Variants in RHOJ observed in about 807,000 individuals in gnomAD.
The protein encoded by RHOJ is rho-related GTP-binding protein RhoJ.
In RHOJ, 11 loss-of-function variants were observed where a neutral mutation model predicts 23.4. The ratio of observed to expected loss-of-function variants is 0.47; its 90% confidence interval spans 0.30 to 0.78. The LOEUF is 0.78. Among genes scored for constraint, RHOJ ranks in the 30% least tolerant of loss-of-function variants. The pLI is 0.08. For missense variants in RHOJ, 254 were observed against 273.4 expected (o/e 0.93, Z 0.50); for synonymous variants, 102 against 102.7 (o/e 0.99, Z 0.04).
Position 63,275,374 on chromosome 14 carries a change from A to T in RHOJ, c.238-5597A>T, listed in dbSNP as rs144580643. Among the ~76,000 whole-genome samples the T allele has an allele frequency of 5.0e-3, 768 of 152,324 alleles. 3 individuals are homozygous for T. The highest frequency in any genetic ancestry group is 0.048 in the Middle Eastern group (14 of 294). ...CAAGGTCCACAGGTGATGCAAATAT[A>T]TGTAGTGTCTAAGAAGTGCTATCTA... On this transcript the variant is annotated intron_variant, in intron 2 of 4. Transcript: ENST00000316754.
At chr14:63,234,787 T>C (rs1253866712) in intron 1 of RHOJ, among the ~76,000 whole-genome samples, 3 of 152,248 alleles carry the variant, frequency 2.0e-5, no homozygotes, top group Admixed American at 1.3e-4. Context: ...TGAAATTCTC[T>C]GTCCCCACAG....
intron 1 of RHOJ, among the ~76,000 whole-genome samples, chr14:63,266,314 G>C (rs1895365746): frequency 6.6e-6 from 1 of 152,140 alleles, no homozygotes; most frequent in Admixed American, 6.5e-5. Context: ...GGTCAGCTGT[G>C]CCTAAATTCC....
At chr14:63,237,048 T>C (rs892613019) in intron 1 of RHOJ, among the ~76,000 whole-genome samples, 1 of 152,150 alleles carries the variant, frequency 6.6e-6, no homozygotes, top group Non-Finnish European at 1.5e-5. Flanking sequence ...CAATTGTCCC[T>C]TTTTTTCCTG....
chr14:63,277,433 GC>G (rs1881754380), intron 2 of RHOJ, among the ~76,000 whole-genome samples: 1 of 152,184 alleles, frequency 6.6e-6, no homozygotes, highest in South Asian at 2.1e-4. Flanking sequence ...AGATACGCAG[GC>G]CCACTCTCCA....
Position 63,204,976 on chromosome 14 carries a change from G to A in RHOJ, c.107G>A (p.Cys36Tyr). The A allele has an allele frequency of 6.2e-7, 1 of 1,614,214 alleles. No homozygotes were observed. The highest frequency in any genetic ancestry group is 8.5e-7 in the Non-Finnish European group (1 of 1,180,042). Residue 36 changes from cysteine to tyrosine, a missense_variant, in exon 1 of 5, where the codon TGC (cysteine) becomes TAC (tyrosine). Physicochemically the swap from Cys to Tyr is radical, Grantham distance 194. Coordinates refer to ENST00000316754, the MANE Select transcript of RHOJ (RefSeq NM_020663.5). ...VVGDGAVGKT[C>Y]LLMSYANDAF... is the part of the protein sequence containing the mutation. ...GGGGACGGTGCCGTGGGGAAAACCTGCCTGCTGATGAGCTACGCCAACGAC... is the reference window on the plus strand; with the variant it reads ...GGGGACGGTGCCGTGGGGAAAACCTACCTGCTGATGAGCTACGCCAACGAC...
rs572273774 is a variant in RHOJ at position 63,287,312 on chromosome 14, G to T, written c.499-3566G>T. Among the ~76,000 whole-genome samples, 3 of 152,308 alleles carry T rather than the reference G, an allele frequency of 2.0e-5. No individual in the cohort carries two copies. In the East Asian group the frequency reaches 5.8e-4, roughly 29 times the overall value. On this transcript the variant is annotated intron_variant, in intron 4 of 4. Transcript: ENST00000316754. ...GTGTGGCCATAAGGGAGGTTACTTA[G>T]CCTCTCTGGGTATCAGTTTCCTGAG...
At chr14:63,245,967 T>A (rs1894969358) in intron 1 of RHOJ, among the ~76,000 whole-genome samples, 2 of 152,158 alleles carry the variant, frequency 1.3e-5, no homozygotes, top group African/African-American at 2.4e-5. Flanking sequence ...ATTAGATGAT[T>A]TATGACCTTG....
At chr14:63,222,875 G>C (rs911220569) in intron 1 of RHOJ, among the ~76,000 whole-genome samples, 1 of 152,116 alleles carries the variant, frequency 6.6e-6, no homozygotes, top group East Asian at 1.9e-4. Flanking sequence ...ATTGCTTTTG[G>C]TGTTTTAGAC....
At chr14:63,275,949 C>T (rs552340283) in intron 2 of RHOJ, among the ~76,000 whole-genome samples, 1 of 152,312 alleles carries the variant, frequency 6.6e-6, no homozygotes, top group African/African-American at 2.4e-5. Context: ...ATCCTGACCC[C>T]TTTACCATAT....
At chr14:63,214,275 A>G (rs983757291) in intron 1 of RHOJ, among the ~76,000 whole-genome samples, 4 of 152,214 alleles carry the variant, frequency 2.6e-5, no homozygotes, top group Non-Finnish European at 4.4e-5. Flanking sequence ...AGAAATTTCT[A>G]ATTAGGTAGA....
At position 63,217,219 on chromosome 14, in the gene RHOJ, C is replaced by T. The variant is rs576710088; in HGVS notation, c.178+12172C>T. Among the ~76,000 whole-genome samples the T allele has an allele frequency of 1.1e-3, 170 of 148,410 alleles. 1 individual carries two copies. Among genetic ancestry groups the T allele is most frequent in the Non-Finnish European group, 2.1e-3 (141 of 66,584 alleles). On this transcript the variant is annotated intron_variant, in intron 1 of 4. Transcript: ENST00000316754. ...GTCATCTAGCATTAGGTATATCTCCCAATGCTATCCCTCCCCGCTCCCCCC... is the reference window on the plus strand; with the variant it reads ...GTCATCTAGCATTAGGTATATCTCCTAATGCTATCCCTCCCCGCTCCCCCC...
intron 2 of RHOJ, among the ~76,000 whole-genome samples, chr14:63,280,518 G>C (rs1881864886): frequency 1.3e-5 from 2 of 152,154 alleles, no homozygotes; most frequent in African/African-American, 4.8e-5. Context: ...TATGCTAAGA[G>C]AGTAGGTCTC....
chr14:63,236,222 G>T (rs777362399), intron 1 of RHOJ, among the ~76,000 whole-genome samples: 1 of 152,144 alleles, frequency 6.6e-6, no homozygotes, highest in Non-Finnish European at 1.5e-5. Context: ...TTGGAACAAG[G>T]TCTCTTCAGT....
rs942374714 is a variant in RHOJ, at chr14:63,232,763, C to G, written c.178+27716C>G. Among the ~76,000 whole-genome samples the G allele has an allele frequency of 5.0e-5, 7 of 140,302 alleles. No homozygotes were observed. In the Admixed American group the frequency reaches 5.3e-4, roughly 11 times the overall value. The allele number at this position is 140,302 out of a possible 152,430, so 92.0% of individuals were successfully genotyped here. The stretch of plus-strand genomic sequence containing the variant: ...CCAGGCTGCGATGCAGTGGCGCGAT[C>G]TCAGCTCACTGCAACCTCCATCTCC... On this transcript the variant is annotated intron_variant, in intron 1 of 4. Coordinates refer to ENST00000316754, the MANE Select transcript of RHOJ (RefSeq NM_020663.5).
chr14:63,219,262 G>A (rs1033088612), intron 1 of RHOJ, among the ~76,000 whole-genome samples: 2 of 152,230 alleles, frequency 1.3e-5, no homozygotes, highest in East Asian at 1.9e-4. Context: ...GGTGAAAAGG[G>A]TCAGCCCACA....
intron 2 of RHOJ, among the ~76,000 whole-genome samples, chr14:63,277,401 A>C (rs893133230): frequency 3.3e-5 from 5 of 152,178 alleles, no homozygotes; most frequent in African/African-American, 1.2e-4. Flanking sequence ...GTCCACCCCA[A>C]ACCAATTAAG....
At chr14:63,232,559 T>A (rs1027843165) in intron 1 of RHOJ, among the ~76,000 whole-genome samples, 4 of 152,166 alleles carry the variant, frequency 2.6e-5, no homozygotes, top group African/African-American at 9.7e-5. Flanking sequence ...CAAAACTCAA[T>A]AAGCCATAGT....
At chr14:63,270,153 G>A (rs1305489072) in intron 2 of RHOJ, among the ~76,000 whole-genome samples, 5 of 144,762 alleles carry the variant, frequency 3.5e-5, no homozygotes, top group Admixed American at 2.1e-4. Flanking sequence ...TATTTGTAGC[G>A]ATGCATTCGT....
At chr14:63,262,205 G>A (rs1203433475) in intron 1 of RHOJ, among the ~76,000 whole-genome samples, 4 of 152,188 alleles carry the variant, frequency 2.6e-5, no homozygotes, top group African/African-American at 4.8e-5. Context: ...GGTTTACAGG[G>A]CATGAACGAC....
Sources: gnomAD v4.1 joint callset for allele counts (sites outside exome capture counted in the v4.1 genomes callset) on GRCh38, gnomAD v4.1.1 for gene constraint, MANE v1.5 for transcripts, NCBI Gene and HGNC (gene_info 2026-07-23, HGNC 2026-07-21) for gene names.